The following HIBCH variants were observed in gnomAD, a reference collection of about 807,000 sequenced individuals.
HIBCH encodes 3-hydroxyisobutyryl-CoA hydrolase.
Under a neutral mutation model 58.2 loss-of-function variants are expected in HIBCH, and 50 were observed. The ratio of observed to expected loss-of-function variants is 0.86; its 90% CI spans 0.68 to 1.09. The LOEUF is 1.09. Ranked by LOEUF, HIBCH falls within the 50% of genes least tolerant of loss-of-function variation. The pLI is 0.00. For synonymous variants in HIBCH, 151 were observed against 146.9 expected, an observed-to-expected ratio of 1.03 and a Z score of -0.20; for missense variants, 450 against 449.7, an observed-to-expected ratio of 1.00 and a Z score of -0.01.
chr2:190,244,158 C>T (rs1229666274), intron 11 of HIBCH, among the ~76,000 whole-genome samples: 2 of 151,978 alleles, frequency 1.3e-5, no homozygotes, highest in Non-Finnish European at 2.9e-5. Context: ...CACACACACA[C>T]ACATATATAT....
At chr2:190,235,173 C>A (rs554742484) in intron 11 of HIBCH, among the ~76,000 whole-genome samples, 2 of 152,270 alleles carry the variant, frequency 1.3e-5, no homozygotes, top group South Asian at 2.1e-4. Context: ...TACAGCCCTT[C>A]GTATTTATTG....
intron 7 of HIBCH, among the ~76,000 whole-genome samples, chr2:190,255,560 G>GT (rs1489892056): frequency 6.6e-6 from 1 of 152,186 alleles, no homozygotes; most frequent in African/African-American, 2.4e-5. Flanking sequence ...GATCAATAGT[G>GT]TTTTCAACAC....
intron 6 of HIBCH, among the ~76,000 whole-genome samples, chr2:190,266,801 G>C (rs1425979353): frequency 6.6e-6 from 1 of 151,952 alleles, no homozygotes; most frequent in African/African-American, 2.4e-5. Context: ...TTGTTGCCCA[G>C]GCTGCAGTGC....
chr2:190,244,142 T>TACAC (rs374861129), intron 11 of HIBCH, among the ~76,000 whole-genome samples: 3,600 of 151,758 alleles, frequency 0.024, 83 homozygotes, highest in East Asian at 0.13. Flanking sequence ...TATATATATA[T>TACAC]ATATACACAC....
chr2:190,195,823 G>A (rs58052205), intron 1 of HIBCH, among the ~76,000 whole-genome samples: 12,613 of 151,736 alleles, frequency 0.083, 1,059 homozygotes, highest in African/African-American at 0.21. Context: ...AAAGGTTGTC[G>A]CCAAACCCAA....
intron 4 of HIBCH, among the ~76,000 whole-genome samples, chr2:190,293,854 G>C (rs954760094): frequency 6.6e-6 from 1 of 151,748 alleles, no homozygotes; most frequent in Non-Finnish European, 1.5e-5. Flanking sequence ...ACATGACACT[G>C]ATGCTGAGAA....
In HIBCH at chr2:190,306,383, T is replaced by C. The variant is rs747930303; in HGVS notation, c.78+4371A>G. ...CCATGAAGAAAAAGGTCTTTTGCTG[T>C]AGACTCCACGAAGAAGAAGGTTTTT... On this transcript the variant is annotated intron_variant, in intron 2 of 13. Coordinates refer to ENST00000359678, the MANE Select transcript of HIBCH (RefSeq NM_014362.4). This position sits in a 1 kb window ranked among gnomAD's most constrained non-coding sequence, Gnocchi z 4.6. Among the ~76,000 whole-genome samples, 8 of 152,160 alleles carry C rather than the reference T, an allele frequency of 5.3e-5. No individual in the cohort carries two copies. The highest frequency in any genetic ancestry group is 2.1e-4 in the South Asian group (1 of 4,828).
chr2:190,308,899 CAGAT>C (rs1351068843), intron 2 of HIBCH, among the ~76,000 whole-genome samples: 1 of 152,136 alleles, frequency 6.6e-6, no homozygotes, highest in Non-Finnish European at 1.5e-5. Context: ...TCTATGAAAA[CAGAT>C]AGCCAGGATT....
intron 5 of HIBCH, among the ~76,000 whole-genome samples, chr2:190,289,379 TTAA>T: frequency 6.6e-6 from 1 of 152,266 alleles, no homozygotes; most frequent in East Asian, 1.9e-4. Flanking sequence ...TCAAAATACG[TTAA>T]TATCATGTAT....
At chr2:190,263,055 G>T (rs940913817) in intron 6 of HIBCH, among the ~76,000 whole-genome samples, 1 of 152,076 alleles carries the variant, frequency 6.6e-6, no homozygotes, top group Admixed American at 6.6e-5. Flanking sequence ...TTACATCAAA[G>T]AATCTATTAT....
At chr2:190,262,801 A>T (rs1000047580) in intron 6 of HIBCH, among the ~76,000 whole-genome samples, 2 of 152,196 alleles carry the variant, frequency 1.3e-5, no homozygotes, top group African/African-American at 4.8e-5. Flanking sequence ...TTATTTTAGC[A>T]TTGGCTGATA....
At chr2:190,259,389 G>A (rs1356921370) in intron 7 of HIBCH, among the ~76,000 whole-genome samples, 5 of 141,092 alleles carry the variant, frequency 3.5e-5, no homozygotes, top group African/African-American at 1.3e-4. Flanking sequence ...GACATGGTCT[G>A]GCTCTATTGC....
intron 8 of HIBCH, chr2:190,250,325 T>G (rs766744702): frequency 1.1e-5 from 5 of 460,218 alleles, no homozygotes; most frequent in Non-Finnish European, 1.8e-5. Context: ...GGTAAGCTCT[T>G]CCTCCTTTCA....
chr2:190,227,466 C>G (rs1685942357), intron 11 of HIBCH, among the ~76,000 whole-genome samples: 2 of 152,088 alleles, frequency 1.3e-5, no homozygotes, highest in South Asian at 4.2e-4. Flanking sequence ...CCATAAAAAC[C>G]CTAGAAGAAA....
intron 8 of HIBCH, among the ~76,000 whole-genome samples, chr2:190,251,089 C>T (rs936611504): frequency 3.3e-5 from 5 of 152,150 alleles, no homozygotes; most frequent in African/African-American, 1.2e-4. Context: ...ATACAAGAGA[C>T]TCTCAATGAA....
downstream of HIBCH, among the ~76,000 whole-genome samples, chr2:190,198,953 TTTAACC>T (rs1236138916): frequency 6.6e-6 from 1 of 152,214 alleles, no homozygotes; most frequent in Non-Finnish European, 1.5e-5. Flanking sequence ...AGGAAAAACC[TTTAACC>T]TTAATCTGAG....
chr2:190,211,851 T>C lies in HIBCH; in HGVS notation c.1011+1105A>G, dbSNP rs6735577. 0.026 allele frequency among the ~76,000 whole-genome samples: 3,896 copies of C among 152,336 alleles called. 182 individuals carry two copies. Among genetic ancestry groups the C allele is most frequent in the African/African-American group, 0.089 (3,705 of 41,556 alleles). ...AACACTGAGCACAGTGCCTGGGACA[T>C]AGCTAACATATTTGCTGAGAGAATG... On this transcript the variant is annotated intron_variant, in intron 12 of 13. Transcript: ENST00000359678. This position sits in a 1 kb window ranked among gnomAD's most constrained non-coding sequence, Gnocchi z 5.0.
intron 6 of HIBCH, among the ~76,000 whole-genome samples, chr2:190,263,709 T>C (rs962222963): frequency 1.2e-4 from 18 of 152,218 alleles, no homozygotes; most frequent in African/African-American, 4.3e-4. Context: ...TCTCCTTAAG[T>C]GTGCTCCTCT....
At chr2:190,235,859 T>C (rs574494050) in intron 11 of HIBCH, among the ~76,000 whole-genome samples, 7 of 152,294 alleles carry the variant, frequency 4.6e-5, no homozygotes, top group African/African-American at 1.4e-4. Context: ...CCACACTGCA[T>C]TGTAATTGTT....
Sources: allele counts gnomAD v4.1 joint callset (sites outside exome capture counted in the v4.1 genomes callset), GRCh38; gene constraint gnomAD v4.1.1; non-coding constraint Gnocchi (gnomAD v3.1); transcripts MANE v1.5; gene names NCBI Gene and HGNC (gene_info 2026-07-23, HGNC 2026-07-21).